The following VPS8 variants were observed in gnomAD, a reference collection of about 807,000 sequenced individuals.
VPS8 encodes the protein vacuolar protein sorting-associated protein 8 homolog.
A neutral mutation model predicts 216.4 loss-of-function variants in VPS8; 129 were observed. The ratio of observed to expected loss-of-function variants is 0.60; its 90% confidence interval spans 0.52 to 0.69. The LOEUF is 0.69. VPS8 is among the 30% of genes least tolerant of loss of function. VPS8 has a pLI of 0.00. For missense variants in VPS8, 1,531 were observed against 1,683.5 expected (o/e 0.91, Z 1.59); for synonymous variants, 571 against 565.4 (o/e 1.01, Z -0.14).
chr3:184,849,419 A>G (rs1723837762), intron 9 of VPS8: 2 of 380,664 alleles, frequency 5.3e-6, no homozygotes, highest in East Asian at 5.8e-5. Flanking sequence ...TCATGTGTCT[A>G]TTTGAGTAAA....
At chr3:184,883,751 C>T (rs557084614) in intron 21 of VPS8, among the ~76,000 whole-genome samples, 9 of 152,198 alleles carry the variant, frequency 5.9e-5, no homozygotes, top group Admixed American at 2.0e-4. Context: ...CTCCATTAAG[C>T]CCTACAGTAT....
chr3:184,855,517 A>G (rs1004612949), intron 13 of VPS8, among the ~76,000 whole-genome samples, 194 bp from the exon 14 acceptor site: 5 of 152,236 alleles, frequency 3.3e-5, no homozygotes, highest in South Asian at 2.1e-4. Flanking sequence ...TCAAATGCCT[A>G]TCAAGATGTA....
chr3:185,010,315 C>G (rs1435880735), intron 45 of VPS8, among the ~76,000 whole-genome samples: 2 of 152,090 alleles, frequency 1.3e-5, no homozygotes, highest in East Asian at 3.8e-4. Flanking sequence ...CAATACCCAA[C>G]AAGATAGAAT....
intron 16 of VPS8, among the ~76,000 whole-genome samples, chr3:184,865,740 C>T (rs897088308): frequency 6.6e-6 from 1 of 152,180 alleles, no homozygotes; most frequent in Non-Finnish European, 1.5e-5. Flanking sequence ...GTAATCCCAG[C>T]ACTTTGGGAG....
chr3:185,048,897 G>A (rs147962032), intron 47 of VPS8, among the ~76,000 whole-genome samples: 4 of 152,290 alleles, frequency 2.6e-5, no homozygotes, highest in South Asian at 2.1e-4. Context: ...CAATCTGTCC[G>A]AAGCCCTAGA....
chr3:185,048,057 A>T (rs1190256702), intron 46 of VPS8, among the ~76,000 whole-genome samples: 1 of 152,184 alleles, frequency 6.6e-6, no homozygotes, highest in Non-Finnish European at 1.5e-5. Flanking sequence ...TGAGACAGGG[A>T]TGAGATTTTT....
chr3:184,831,750 C>T (rs986767910), intron 3 of VPS8, among the ~76,000 whole-genome samples: 2 of 152,104 alleles, frequency 1.3e-5, no homozygotes, highest in African/African-American at 4.8e-5. Context: ...ATTTTTTCTC[C>T]GTAATGTGTT....
At chr3:184,947,082 G>A (rs1743809852) in intron 36 of VPS8, among the ~76,000 whole-genome samples, 2 of 152,148 alleles carry the variant, frequency 1.3e-5, no homozygotes, top group Admixed American at 1.3e-4. Context: ...CCTAGTAAAA[G>A]GTGGAGACGT....
In VPS8 at chr3:184,996,443, A is replaced by G. The variant is rs1439490694; in HGVS notation, c.3778A>G (p.Ile1260Val). 6.2e-7 allele frequency: 1 copy of G among 1,613,722 alleles called. No homozygotes were observed. Residue 1260 changes from isoleucine to valine, a missense_variant, in exon 44 of 48, where the codon ATA (isoleucine) becomes GTA (valine). Ile to Val is a conservative substitution (Grantham distance 29, BLOSUM62 3). This residue lies in a region of VPS8 where 1,318 missense variants were observed against 1,468.4 expected (regional missense o/e 0.90). Transcript: ENST00000625842. Reference sequence around the variant, plus strand: ...GAATCCCAAACAAGATTACTGCTCTATATGTTTGCAGCAGTACAAGAGACG... The same window carrying G: ...GAATCCCAAACAAGATTACTGCTCTGTATGTTTGCAGCAGTACAAGAGACG... ...GLNPKQDYCSICLQQYKRRQE... is the reference protein window; with the variant it reads ...GLNPKQDYCSVCLQQYKRRQE...
intron 10 of VPS8, 22 bp from the exon 11 acceptor site, chr3:184,852,478 A>C (rs577317442): frequency 6.2e-7 from 1 of 1,606,290 alleles, no homozygotes; most frequent in African/African-American, 1.3e-5. Flanking sequence ...TGTACAAGAA[A>C]ATAAATTCCT....
intron 42 of VPS8, among the ~76,000 whole-genome samples, chr3:184,990,550 G>A (rs1197214364): frequency 6.6e-6 from 1 of 152,170 alleles, no homozygotes; most frequent in Non-Finnish European, 1.5e-5. Flanking sequence ...TAACTGTGCA[G>A]ATTGAGCTGG....
At chr3:184,880,610 A>T (rs1271126737) in intron 21 of VPS8, among the ~76,000 whole-genome samples, 1 of 152,218 alleles carries the variant, frequency 6.6e-6, no homozygotes, top group Non-Finnish European at 1.5e-5. Flanking sequence ...GCTGTTAAAA[A>T]TAAAGTGGCT....
At chr3:184,908,299 G>T (rs952297930) in intron 25 of VPS8, among the ~76,000 whole-genome samples, 1 of 152,208 alleles carries the variant, frequency 6.6e-6, no homozygotes, top group South Asian at 2.1e-4. Flanking sequence ...ATTTTCTCTC[G>T]GTCCTTTGCC....
At chr3:184,895,989 C>T (rs529174209) in intron 23 of VPS8, among the ~76,000 whole-genome samples, 5 of 151,948 alleles carry the variant, frequency 3.3e-5, no homozygotes, top group Non-Finnish European at 5.9e-5. Flanking sequence ...GTTACTCCTG[C>T]AAAGGTGCCA....
intron 23 of VPS8, among the ~76,000 whole-genome samples, chr3:184,896,039 T>C (rs1048596106): frequency 6.6e-6 from 1 of 152,096 alleles, no homozygotes; most frequent in Non-Finnish European, 1.5e-5. Flanking sequence ...AACAAAAGTC[T>C]TAGACCAAAA....
chr3:184,825,900 C>CAAAAA (rs933953308), intron 2 of VPS8, among the ~76,000 whole-genome samples: 1 of 97,598 alleles, frequency 1.0e-5, no homozygotes. Flanking sequence ...GACTCTGTCT[C>CAAAAA]AAAAAAAAAA....
At chr3:185,000,672 G>A (rs145841670) in intron 45 of VPS8, among the ~76,000 whole-genome samples, 7,873 of 149,650 alleles carry the variant, frequency 0.053, 236 homozygotes, top group Non-Finnish European at 0.062. Flanking sequence ...GCAGTGGTGC[G>A]ATCTCAGCTC....
intron 36 of VPS8, among the ~76,000 whole-genome samples, chr3:184,952,287 C>T (rs954351872): frequency 8.5e-5 from 13 of 152,162 alleles, no homozygotes; most frequent in South Asian, 2.1e-4. Context: ...GCATTGGTGA[C>T]GTGTGTGGGG....
At chr3:184,928,021 A>G (rs1406608756) in intron 31 of VPS8, among the ~76,000 whole-genome samples, 2 of 152,250 alleles carry the variant, frequency 1.3e-5, no homozygotes, top group African/African-American at 4.8e-5. Flanking sequence ...TAGTGCTGCT[A>G]TGAAAAGCCC....
Sources: gnomAD v4.1 joint callset for allele counts (sites outside exome capture counted in the v4.1 genomes callset) on GRCh38, gnomAD v4.1.1 for gene constraint, gnomAD v4.1.1 regional missense constraint, MANE v1.5 for transcripts, NCBI Gene and HGNC (gene_info 2026-07-23, HGNC 2026-07-21) for gene names.